C6orf62: variants seen among roughly 807,000 people sequenced by gnomAD.
C6orf62 encodes uncharacterized protein C6orf62.
Under a neutral mutation model 26.8 loss-of-function variants are expected in C6orf62, and 16 were observed. The observed-to-expected ratio is 0.60, with a 90% CI of 0.40 to 0.91. The LOEUF (loss-of-function observed/expected upper bound fraction) is 0.91. Among genes scored for constraint, C6orf62 ranks in the 40% least tolerant of loss-of-function variants. C6orf62 has a pLI of 0.00. For synonymous variants in C6orf62, 112 were observed against 91.5 expected (o/e 1.22, Z -1.28); for missense variants, 192 against 271.4 (o/e 0.71, Z 2.06).
Position 24,714,332 on chromosome 6 carries a change from A to AAGGCTCATC in C6orf62, c.406_414dup (p.Asp136_Pro138dup). ...GACCAAAATACCTGAACAGGCCTAAAAGGCTCATCAGATTCTTTCCACCTA... is the reference window on the plus strand; with the variant it reads ...GACCAAAATACCTGAACAGGCCTAAAAGGCTCATCAGGCTCATCAGATTCTTTCCACCTA... On this transcript the variant is annotated inframe_insertion, in exon 3 of 5. Coordinates refer to ENST00000378119, the MANE Select transcript of C6orf62 (RefSeq NM_030939.5). 1 of 1,609,728 alleles carries AAGGCTCATC rather than the reference A, an allele frequency of 6.2e-7. No individual in the cohort carries two copies. The highest frequency in any genetic ancestry group is 1.1e-5 in the South Asian group (1 of 90,038).
At chr6:24,706,381 T>C (rs1779010360) in intron 4 of C6orf62, 119 bp from the exon 5 acceptor site, 3 of 1,414,430 alleles carry the variant, frequency 2.1e-6, no homozygotes, top group South Asian at 1.4e-5. Flanking sequence ...GGACAAATTG[T>C]AGTCCCTATC....
intron 3 of C6orf62, among the ~76,000 whole-genome samples, chr6:24,711,658 A>G (rs1458196287): frequency 6.6e-6 from 1 of 151,964 alleles, no homozygotes; most frequent in Admixed American, 6.6e-5. Flanking sequence ...TTTAAAAATA[A>G]GTAAAGTGCT....
chr6:24,712,739 AAAC>A (rs1429960703), intron 3 of C6orf62, among the ~76,000 whole-genome samples: 2 of 151,976 alleles, frequency 1.3e-5, no homozygotes, highest in East Asian at 1.9e-4. Context: ...AACTCTCAAT[AAAC>A]ATCAGCCATG....
intron 3 of C6orf62, chr6:24,709,878 T>C (rs1779085805): frequency 3.0e-6 from 3 of 985,186 alleles, no homozygotes; most frequent in Non-Finnish European, 3.6e-6. Flanking sequence ...AAATAATTGT[T>C]AGTCCATTTT....
At chr6:24,709,386 G>C (rs1779076304) in intron 3 of C6orf62, 2 of 984,576 alleles carry the variant, frequency 2.0e-6, no homozygotes, top group Non-Finnish European at 2.4e-6. Flanking sequence ...TTTTGATTAG[G>C]AGTCACATTG....
chr6:24,709,059 C>A, intron 3 of C6orf62, 148 bp from the exon 4 acceptor site: 5 of 1,445,824 alleles, frequency 3.5e-6, no homozygotes, highest in Non-Finnish European at 4.5e-6. Context: ...AAACCCACAG[C>A]CAATAATATC....
intron 3 of C6orf62, chr6:24,710,578 A>G: frequency 1.2e-5 from 12 of 983,218 alleles, no homozygotes; most frequent in Non-Finnish European, 1.4e-5. Context: ...TTGGGTTCTT[A>G]TCATCAAACC....
chr6:24,719,091 AT>A lies in C6orf62; in HGVS notation c.-424del, dbSNP rs1310713656. On this transcript the variant is annotated 5_prime_UTR_variant, in exon 1 of 5. Transcript: ENST00000378119. Reference sequence around the variant, plus strand: ...AGACCAATCCCTAAAATCCATCCGGATTTTCCCCCCTTTTTAGAAAAGGGAT... The same window carrying A: ...AGACCAATCCCTAAAATCCATCCGGATTTCCCCCCTTTTTAGAAAAGGGAT... 1.3e-5 allele frequency: 13 copies of A among 975,712 alleles called. No homozygotes were observed. Among genetic ancestry groups the A allele is most frequent in the African/African-American group, 5.7e-5 (3 of 52,848 alleles). The allele number at this position is 975,712 out of a possible 1,614,324, so 60.4% of individuals were successfully genotyped here.
intron 3 of C6orf62, chr6:24,710,541 G>A (rs1779100212): frequency 1.0e-6 from 1 of 968,516 alleles, no homozygotes; most frequent in Non-Finnish European, 1.2e-6. Context: ...TGGGATTACA[G>A]GCGTGAGCAA....
chr6:24,710,556 G>A (rs1368538178), intron 3 of C6orf62: 6 of 983,078 alleles, frequency 6.1e-6, no homozygotes, highest in African/African-American at 1.8e-5. Context: ...GAGCAACCGC[G>A]CCCGGCCCAA....
intron 2 of C6orf62, among the ~76,000 whole-genome samples, chr6:24,715,754 A>T (rs980118859): frequency 6.6e-6 from 1 of 150,410 alleles, no homozygotes; most frequent in African/African-American, 2.4e-5. Flanking sequence ...AGGCTAAGGC[A>T]GGAGAATCAT....
intron 3 of C6orf62, among the ~76,000 whole-genome samples, chr6:24,713,293 T>C (rs1394482464): frequency 1.3e-5 from 2 of 152,232 alleles, no homozygotes; most frequent in Non-Finnish European, 1.5e-5. Context: ...TACAGTACTT[T>C]CTTATGTATG....
chr6:24,718,464 A>G (rs1779281807), intron 1 of C6orf62, 76 bp downstream of exon 1: 2 of 1,379,754 alleles, frequency 1.4e-6, no homozygotes, highest in South Asian at 1.3e-5. Flanking sequence ...AATATTCATA[A>G]TAATTTAAGA....
chr6:24,717,246 T>C (rs562305444), intron 1 of C6orf62, among the ~76,000 whole-genome samples: 1 of 152,304 alleles, frequency 6.6e-6, no homozygotes, highest in East Asian at 1.9e-4. Flanking sequence ...GGGCAATATA[T>C]AGATTAAATA....
At chr6:24,716,365 C>G (rs766813788) in intron 1 of C6orf62, 41 bp from the exon 2 acceptor site, 97 of 1,470,514 alleles carry the variant, frequency 6.6e-5, no homozygotes, top group Non-Finnish European at 9.0e-5. Flanking sequence ...ACAGGGAGCA[C>G]AGCCTTTTAA....
chr6:24,718,387 GA>G (rs1368506151), intron 1 of C6orf62, among the ~76,000 whole-genome samples, 152 bp downstream of exon 1: 5 of 152,032 alleles, frequency 3.3e-5, no homozygotes, highest in Non-Finnish European at 7.4e-5. Flanking sequence ...TCAATTCACA[GA>G]ATCACCCCTA....
intron 2 of C6orf62, among the ~76,000 whole-genome samples, chr6:24,715,620 G>A (rs1027567132): frequency 3.3e-5 from 5 of 152,090 alleles, no homozygotes; most frequent in Admixed American, 1.3e-4. Flanking sequence ...GCCAAGGCAG[G>A]AGGATCACTT....
Position 24,716,233 on chromosome 6 carries a change from GA to G in C6orf62, c.220del (p.Ser74ProfsTer9). ...EENILKGVRD[S>X]SYSLESSLEL... ...TAGGGAACTTTCCAAGGAATAGCTGGAATCTCGCACACCTTTCAGGATATTT... is the reference window on the plus strand; with the variant it reads ...TAGGGAACTTTCCAAGGAATAGCTGGATCTCGCACACCTTTCAGGATATTT... On this transcript the variant is annotated frameshift_variant, in exon 2 of 5. Coordinates refer to ENST00000378119, the MANE Select transcript of C6orf62 (RefSeq NM_030939.5). LOFTEE classifies it high-confidence loss of function. The G allele has an allele frequency of 6.2e-7, 1 of 1,613,416 alleles. No homozygotes were observed. The highest frequency in any genetic ancestry group is 1.1e-5 in the South Asian group (1 of 91,062).
chr6:24,717,363 C>T (rs1433320467), intron 1 of C6orf62, among the ~76,000 whole-genome samples: 3 of 152,026 alleles, frequency 2.0e-5, no homozygotes, highest in South Asian at 2.1e-4. Context: ...AGCTTGTCAA[C>T]AAAACAAAAG....
Sources: gnomAD v4.1 joint callset for allele counts (sites outside exome capture counted in the v4.1 genomes callset) on GRCh38, gnomAD v4.1.1 for gene constraint, MANE v1.5 for transcripts, NCBI Gene and HGNC (gene_info 2026-07-23, HGNC 2026-07-21) for gene names.